Variants in SLCO4A1 observed in about 807,000 individuals in gnomAD.
SLCO4A1 encodes colon organic anion transporter.
SLCO4A1 carries 51 observed loss-of-function variants against 64.6 expected under a neutral mutation model. That is an observed-to-expected ratio of 0.79 (90% CI 0.63 to 1.00). SLCO4A1 has a LOEUF of 1.00. Among genes scored for constraint, SLCO4A1 ranks in the 50% least tolerant of loss-of-function variants. SLCO4A1 has a pLI of 0.00. For synonymous variants in SLCO4A1, 471 were observed against 444.9 expected, an observed-to-expected ratio of 1.06 and a Z score of -0.74; for missense variants, 919 against 980.5, an observed-to-expected ratio of 0.94 and a Z score of 0.84.
downstream of SLCO4A1, among the ~76,000 whole-genome samples, chr20:62,674,779 G>A (rs1238669431): frequency 2.0e-5 from 3 of 152,160 alleles, no homozygotes; most frequent in Non-Finnish European, 4.4e-5. Context: ...GCCCCCCGAT[G>A]GGATTCGTAG....
Position 62,672,143 on chromosome 20 carries a change from T to C in SLCO4A1, c.*250T>C, listed in dbSNP as rs1409964539. On this transcript the variant is annotated 3_prime_UTR_variant, in exon 12 of 12. Transcript: ENST00000217159. ...TCAGAACGTGTTTATAGAATGTGTTTTATACCCGATCGTGTGTGGTGTGCG... is the reference window on the plus strand; with the variant it reads ...TCAGAACGTGTTTATAGAATGTGTTCTATACCCGATCGTGTGTGGTGTGCG... 10 of 1,389,988 alleles carry C rather than the reference T, an allele frequency of 7.2e-6. No individual in the cohort carries two copies. Among genetic ancestry groups the C allele is most frequent in the African/African-American group, 1.4e-5 (1 of 68,994 alleles). 86.1% of individuals were successfully genotyped at this position (1,389,988 alleles called of 1,614,324 possible).
intron 1 of SLCO4A1, chr20:62,651,420 A>G (rs1982482535): frequency 2.0e-5 from 3 of 152,242 alleles, no homozygotes; most frequent in Admixed American, 1.3e-4. Flanking sequence ...CGTCAGAACG[A>G]GGCCCCAACG....
Position 62,672,169 on chromosome 20 carries a change from TGAG to T in SLCO4A1, c.*279_*281del. The T allele has an allele frequency of 7.5e-7, 1 of 1,340,102 alleles. No individual in the cohort carries two copies. The highest frequency in any genetic ancestry group is 9.6e-7 in the Non-Finnish European group (1 of 1,039,508). 83.0% of individuals were successfully genotyped at this position (1,340,102 alleles called of 1,614,324 possible). A position where few individuals can be genotyped will look rare whatever the true frequency, so the allele number is the denominator to read the frequency against. ...TATACCCGATCGTGTGTGGTGTGCG[TGAG>T]GACAAACTCCGCAGGGGCTGTGAAT... On this transcript the variant is annotated 3_prime_UTR_variant, in exon 12 of 12. Transcript: ENST00000217159.
intron 1 of SLCO4A1, among the ~76,000 whole-genome samples, chr20:62,646,660 A>G (rs1044380473): frequency 2.3e-4 from 35 of 152,314 alleles, no homozygotes; most frequent in Admixed American, 8.5e-4. Flanking sequence ...TCTGTTTCCC[A>G]TGAACTCCAG....
chr20:62,657,981 G>C (rs1295665191), intron 2 of SLCO4A1, among the ~76,000 whole-genome samples: 1 of 152,042 alleles, frequency 6.6e-6, no homozygotes, highest in East Asian at 1.9e-4. Context: ...TCCTGCTCCT[G>C]TTTGTTGAGA....
intron 2 of SLCO4A1, among the ~76,000 whole-genome samples, chr20:62,657,785 C>T (rs1017659848): frequency 6.6e-6 from 1 of 152,246 alleles, no homozygotes; most frequent in Non-Finnish European, 1.5e-5. Context: ...CGTGTCTGCT[C>T]CGGCAGCCAC....
chr20:62,672,260 T>C lies in SLCO4A1; in HGVS notation c.*367T>C. 2 of 1,177,170 alleles carry C rather than the reference T, an allele frequency of 1.7e-6. No homozygotes were observed. Among genetic ancestry groups the C allele is most frequent in the Non-Finnish European group, 2.1e-6 (2 of 943,522 alleles). 72.9% of individuals were successfully genotyped at this position (1,177,170 alleles called of 1,614,324 possible). ...GCTTGTGTGTCCTCAGTTAAAACTG[T>C]GCATATCGAAATATATTTTGTTATT... is the stretch of plus-strand genomic sequence containing the variant. On this transcript the variant is annotated 3_prime_UTR_variant, in exon 12 of 12. Transcript: ENST00000217159.
At chr20:62,654,178 C>T (rs959384124) in intron 1 of SLCO4A1, among the ~76,000 whole-genome samples, 12 of 152,182 alleles carry the variant, frequency 7.9e-5, no homozygotes, top group African/African-American at 1.2e-4. Context: ...GTCCTGAGAG[C>T]GCCACGCCCG....
chr20:62,660,819 C>G (rs963694043), intron 4 of SLCO4A1, among the ~76,000 whole-genome samples: 6 of 152,208 alleles, frequency 3.9e-5, no homozygotes, highest in Admixed American at 3.3e-4. Flanking sequence ...GCCTCCATCC[C>G]CTCCTTCCCC....
At chr20:62,665,326 G>A (rs1057320215) in intron 6 of SLCO4A1, 24 of 499,526 alleles carry the variant, frequency 4.8e-5, no homozygotes, top group Non-Finnish European at 7.3e-5. Flanking sequence ...AAGGGTCCAC[G>A]GTGGGCTCCA....
intron 4 of SLCO4A1, 61 bp downstream of exon 4, chr20:62,660,594 A>AG: frequency 6.4e-7 from 1 of 1,569,270 alleles, no homozygotes; most frequent in Non-Finnish European, 8.7e-7. Flanking sequence ...GTCTTCGCGA[A>AG]GGGGGCACCC....
chr20:62,664,675 G>A (rs995240402), intron 5 of SLCO4A1, among the ~76,000 whole-genome samples: 1 of 152,190 alleles, frequency 6.6e-6, no homozygotes, highest in African/African-American at 2.4e-5. Flanking sequence ...TCTGGAATAA[G>A]TGTGGGTGTC....
In SLCO4A1 at chr20:62,667,542, C is replaced by T. The variant is rs1261962023; in HGVS notation, c.1473-203C>T. 2.3e-5 allele frequency: 14 copies of T among 606,124 alleles called. 1 individual carries two copies. Among genetic ancestry groups the T allele is most frequent in the African/African-American group, 1.3e-4 (7 of 54,024 alleles). 37.5% of individuals were successfully genotyped at this position (606,124 alleles called of 1,614,324 possible). ...GGGGGGCATGGGTGTGCCTTCCTTG[C>T]GTGAGGAGGAAAAACCATTCTATCA... On this transcript the variant is annotated intron_variant, in intron 7 of 11. Transcript: ENST00000217159.
intron 1 of SLCO4A1, among the ~76,000 whole-genome samples, chr20:62,647,967 A>G (rs1197595688): frequency 6.6e-6 from 1 of 152,232 alleles, no homozygotes; most frequent in Non-Finnish European, 1.5e-5. Context: ...AGCATGAGGA[A>G]ATCGGAAGAG....
chr20:62,672,409 T>G, downstream of SLCO4A1: 4 of 438,810 alleles, frequency 9.1e-6, no homozygotes, highest in African/African-American at 2.2e-5. Flanking sequence ...AAAGTTGGCC[T>G]TCCTTATCCA....
intron 11 of SLCO4A1, among the ~76,000 whole-genome samples, chr20:62,671,509 C>T (rs1346043710): frequency 6.6e-6 from 1 of 152,186 alleles, no homozygotes; most frequent in Admixed American, 6.5e-5. Context: ...ATGACAAGCC[C>T]CTCAGTCCTG....
At chr20:62,673,558 G>A (rs190208982), downstream of SLCO4A1, among the ~76,000 whole-genome samples, 1 of 142,642 alleles carries the variant, frequency 7.0e-6, no homozygotes, top group Non-Finnish European at 1.6e-5. Flanking sequence ...TAGAGACCAC[G>A]ACACTGCCCA....
rs1202015896 is a variant in SLCO4A1 at position 62,644,293 on chromosome 20, G to A, written c.-97+1740G>A. On this transcript the variant is annotated intron_variant, in intron 1 of 11. Coordinates refer to ENST00000217159, the MANE Select transcript of SLCO4A1 (RefSeq NM_016354.4). The surrounding 1 kb of genome is among the most constrained non-coding windows in gnomAD (Gnocchi z 5.4). Reference sequence around the variant, plus strand: ...GCCCTGACCGCCCTCAGCAGGCTGTGTCCTGCCTTCCTGCTGGGCAAGGTC... The same window carrying A: ...GCCCTGACCGCCCTCAGCAGGCTGTATCCTGCCTTCCTGCTGGGCAAGGTC... Among the ~76,000 whole-genome samples, 3 of 152,258 alleles carry A rather than the reference G, an allele frequency of 2.0e-5. No individual in the cohort carries two copies.
Position 62,671,095 on chromosome 20 carries a change from CAAAG to C in SLCO4A1, c.2026-651_2026-648del, listed in dbSNP as rs374793474. Among the ~76,000 whole-genome samples, 762 of 152,326 alleles carry C rather than the reference CAAAG, an allele frequency of 5.0e-3. 5 individuals carry two copies. The highest frequency in any genetic ancestry group is 0.017 in the African/African-American group (705 of 41,570). ...AGTCGGTGCAGCCCCTCATTGTTGA[CAAAG>C]AAACCAAGACCCTGAAGGTTCAGAA... On this transcript the variant is annotated intron_variant, in intron 11 of 11. Transcript: ENST00000217159.
Sources: gnomAD v4.1 joint callset for allele counts (sites outside exome capture counted in the v4.1 genomes callset) on GRCh38, gnomAD v4.1.1 for gene constraint, Gnocchi (gnomAD v3.1) non-coding constraint, MANE v1.5 for transcripts, NCBI Gene and HGNC (gene_info 2026-07-23, HGNC 2026-07-21) for gene names.